The following DKK2 variants were observed in gnomAD, a reference collection of about 807,000 sequenced individuals.
DKK2 encodes dickkopf Wnt signaling pathway inhibitor 2, also known as dickkopf-related protein 2.
Under a neutral mutation model 28.1 loss-of-function variants are expected in DKK2, and 11 were observed. The ratio of observed to expected loss-of-function variants is 0.39; its 90% confidence interval spans 0.25 to 0.65. DKK2 has a LOEUF of 0.65. DKK2 is among the 30% of genes least tolerant of loss of function. DKK2 has a pLI of 0.47. For missense variants in DKK2, 326 were observed against 335.5 expected (o/e 0.97, Z 0.22); for synonymous variants, 135 against 126.5 (o/e 1.07, Z -0.45).
chr4:106,932,383 C>G (rs1724516497), intron 1 of DKK2, among the ~76,000 whole-genome samples: 1 of 152,170 alleles, frequency 6.6e-6, no homozygotes, highest in Non-Finnish European at 1.5e-5. Flanking sequence ...TTGCTCCTCC[C>G]TGTTCTCTGC....
At chr4:107,026,085 A>T (rs192477800) in intron 1 of DKK2, among the ~76,000 whole-genome samples, 10 of 152,340 alleles carry the variant, frequency 6.6e-5, no homozygotes, top group African/African-American at 2.4e-4. Flanking sequence ...TAAAATGAGC[A>T]AGTTAAATTA....
intron 1 of DKK2, among the ~76,000 whole-genome samples, chr4:107,026,873 A>T (rs1486562718): frequency 1.3e-5 from 2 of 152,218 alleles, no homozygotes; most frequent in African/African-American, 4.8e-5. Flanking sequence ...AATTTTATAA[A>T]GCTAAAAGTA....
At chr4:106,976,041 T>TGTG (rs1291899289) in intron 1 of DKK2, among the ~76,000 whole-genome samples, 1 of 152,212 alleles carries the variant, frequency 6.6e-6, no homozygotes, top group African/African-American at 2.4e-5. Context: ...TCCATGTAGT[T>TGTG]GTGCGGTTTT....
intron 1 of DKK2, among the ~76,000 whole-genome samples, chr4:106,987,450 C>T (rs1723137143): frequency 6.6e-6 from 1 of 152,172 alleles, no homozygotes; most frequent in African/African-American, 2.4e-5. Context: ...TTGTGTAACA[C>T]CACCCTGATG....
intron 1 of DKK2, among the ~76,000 whole-genome samples, chr4:106,977,316 T>G (rs1271679962): frequency 6.6e-6 from 1 of 152,222 alleles, no homozygotes; most frequent in Non-Finnish European, 1.5e-5. Flanking sequence ...TTCTCCTGGA[T>G]AACAACCTGA....
Position 107,035,809 on chromosome 4 carries a change from C to A in DKK2, c.-218G>T. 1 of 588,894 alleles carries A rather than the reference C, an allele frequency of 1.7e-6. No homozygotes were observed. Among genetic ancestry groups the A allele is most frequent in the Middle Eastern group, 4.5e-4 (1 of 2,214 alleles). 36.5% of individuals were successfully genotyped at this position (588,894 alleles called of 1,614,324 possible). The stretch of plus-strand genomic sequence containing the variant: ...ACCCAAGCGAGACCCGCTTCTCCAC[C>A]AGGACAGGAAGTTCTGCAATAACTG... On this transcript the variant is annotated 5_prime_UTR_variant, in exon 1 of 4. Transcript: ENST00000285311.
chr4:106,966,824 T>G (rs1300996539), intron 1 of DKK2, among the ~76,000 whole-genome samples: 1 of 152,180 alleles, frequency 6.6e-6, no homozygotes, highest in East Asian at 1.9e-4. Flanking sequence ...ACTCATTCAC[T>G]ATCACGAGAA....
At chr4:106,976,459 C>T (rs937095768) in intron 1 of DKK2, among the ~76,000 whole-genome samples, 3 of 152,164 alleles carry the variant, frequency 2.0e-5, no homozygotes, top group African/African-American at 7.2e-5. Context: ...ATAGTTAGCT[C>T]TTCTTGTTGA....
At chr4:106,931,728 A>C (rs1384312598) in intron 1 of DKK2, among the ~76,000 whole-genome samples, 1 of 152,220 alleles carries the variant, frequency 6.6e-6, no homozygotes, top group South Asian at 2.1e-4. Flanking sequence ...AATCTGAGAA[A>C]CCTTCAGTTA....
intron 1 of DKK2, among the ~76,000 whole-genome samples, chr4:106,979,342 C>G (rs1375559023): frequency 6.6e-6 from 1 of 152,032 alleles, no homozygotes; most frequent in African/African-American, 2.4e-5. Context: ...TTAAATAAAA[C>G]TCCAGGATTT....
chr4:107,035,546 G>C lies in DKK2; in HGVS notation c.46C>G (p.Leu16Val). 6.2e-7 allele frequency: 1 copy of C among 1,614,216 alleles called. No individual in the cohort carries two copies. Among genetic ancestry groups the C allele is most frequent in the Non-Finnish European group, 8.5e-7 (1 of 1,180,054 alleles). ...RSKDSSCCLL[L>V]LAAVLMVESS... ...TCCACCATCAGCACCGCGGCCAGTA[G>C]GAGCAGGCAGCAGGACGAATCCTTG... Residue 16 changes from leucine to valine, a missense_variant, in exon 1 of 4, where the codon CTA becomes GTA. Transcript: ENST00000285311.
chr4:107,030,635 A>G (rs1406128666), intron 1 of DKK2, among the ~76,000 whole-genome samples: 1 of 152,016 alleles, frequency 6.6e-6, no homozygotes, highest in Non-Finnish European at 1.5e-5. Context: ...AGAAAGTCAC[A>G]GGTAGAAATT....
At chr4:107,009,052 G>A (rs17548982) in intron 1 of DKK2, among the ~76,000 whole-genome samples, 2,066 of 151,930 alleles carry the variant, frequency 0.014, 16 homozygotes, top group South Asian at 0.043. Context: ...GGAAACAAAC[G>A]TGAACATCAA....
At chr4:106,983,360 G>GAAAT (rs758500632) in intron 1 of DKK2, among the ~76,000 whole-genome samples, 25 of 139,062 alleles carry the variant, frequency 1.8e-4, no homozygotes, top group African/African-American at 5.8e-4. Flanking sequence ...AAGAAAGAAA[G>GAAAT]AAAGAAAGAA....
chr4:106,957,868 C>T (rs976281890), intron 1 of DKK2, among the ~76,000 whole-genome samples: 1 of 150,060 alleles, frequency 6.7e-6, no homozygotes, highest in African/African-American at 2.5e-5. Context: ...CTAACCTGCA[C>T]ATTGTGCACA....
chr4:106,995,528 C>A (rs760638125), intron 1 of DKK2, among the ~76,000 whole-genome samples: 2 of 152,150 alleles, frequency 1.3e-5, no homozygotes, highest in African/African-American at 4.8e-5. Context: ...ATATGAATTA[C>A]ATAATCTTAC....
At chr4:106,981,847 T>C (rs1723030566) in intron 1 of DKK2, among the ~76,000 whole-genome samples, 1 of 152,156 alleles carries the variant, frequency 6.6e-6, no homozygotes, top group African/African-American at 2.4e-5. Flanking sequence ...ACTTATATAA[T>C]ATATTTATGT....
At chr4:107,025,541 G>A (rs1723765709) in intron 1 of DKK2, among the ~76,000 whole-genome samples, 1 of 152,112 alleles carries the variant, frequency 6.6e-6, no homozygotes, top group Admixed American at 6.6e-5. Context: ...AAAGCCACTG[G>A]CCTCTATCCT....
intron 1 of DKK2, among the ~76,000 whole-genome samples, chr4:106,992,830 AG>A (rs149833462): frequency 1.3e-4 from 20 of 152,336 alleles, no homozygotes; most frequent in East Asian, 5.8e-4. Flanking sequence ...CACTTAAAAC[AG>A]GGCCTGGCTG....
Sources: allele counts gnomAD v4.1 joint callset (sites outside exome capture counted in the v4.1 genomes callset), GRCh38; gene constraint gnomAD v4.1.1; transcripts MANE v1.5; gene names NCBI Gene and HGNC (gene_info 2026-07-23, HGNC 2026-07-21).